Variants in PABPC4L observed in about 807,000 individuals in gnomAD.
The protein encoded by PABPC4L is polyadenylate-binding protein 4-like.
For missense variants in PABPC4L, 452 were observed against 451.4 expected (o/e 1.00, Z -0.01); for synonymous variants, 169 against 164.1 (o/e 1.03, Z -0.23).
chr4:134,045,120 A>G, the PABPC4L span, among the ~76,000 whole-genome samples: 1 of 152,198 alleles, frequency 6.6e-6, no homozygotes, highest in African/African-American at 2.4e-5. Flanking sequence ...TATAAAATTT[A>G]TACTTTACTA....
chr4:134,200,874 C>T lies in PABPC4L; in HGVS notation c.146G>A (p.Arg49His). 1.3e-6 allele frequency: 2 copies of T among 1,560,280 alleles called. No homozygotes were observed. The highest frequency in any genetic ancestry group is 1.7e-6 in the Non-Finnish European group (2 of 1,151,868). Residue 49 changes from arginine to histidine, a missense_variant, in exon 2 of 2, where the codon CGC becomes CAC. Arg to His is a conservative substitution (Grantham distance 29, BLOSUM62 0). Transcript: ENST00000421491. ...GTTCACGTAGGCATAGCCCAGAGAG[C>T]GGCGGGTGACCTGGTCCCTGCAAAT... The part of the protein sequence containing the change: ...IRICRDQVTR[R>H]SLGYAYVNFL...
chr4:134,142,775 C>T, the PABPC4L span, among the ~76,000 whole-genome samples: 2 of 151,458 alleles, frequency 1.3e-5, no homozygotes, highest in African/African-American at 2.4e-5. Context: ...CTTACTGAAT[C>T]AGTAAGAATT....
chr4:134,124,856 G>A, the PABPC4L span, among the ~76,000 whole-genome samples: 73 of 152,118 alleles, frequency 4.8e-4, 1 homozygote, highest in South Asian at 1.0e-3. Context: ...CATGCCTCAT[G>A]GGTAATAATG....
the PABPC4L span, among the ~76,000 whole-genome samples, chr4:134,107,143 T>C: frequency 7.3e-5 from 11 of 151,294 alleles, no homozygotes; most frequent in Admixed American, 6.6e-4. Flanking sequence ...CCTTTTTGTT[T>C]CACAGAGCTA....
chr4:134,037,957 G>A, the PABPC4L span, among the ~76,000 whole-genome samples: 1 of 152,028 alleles, frequency 6.6e-6, no homozygotes, highest in Non-Finnish European at 1.5e-5. Context: ...TTGGCTGTGG[G>A]TTTATCATAA....
chr4:134,175,002 C>A, the PABPC4L span, among the ~76,000 whole-genome samples: 9 of 151,944 alleles, frequency 5.9e-5, no homozygotes, highest in Non-Finnish European at 1.3e-4. Flanking sequence ...ATTTTATGGC[C>A]ATGTGTTTAA....
chr4:134,114,946 C>T, the PABPC4L span, among the ~76,000 whole-genome samples: 331 of 151,858 alleles, frequency 2.2e-3, 1 homozygote, highest in African/African-American at 7.4e-3. Flanking sequence ...AAGACAGTTG[C>T]CTTATACCAG....
the PABPC4L span, among the ~76,000 whole-genome samples, chr4:134,005,524 T>A: frequency 6.6e-6 from 1 of 151,798 alleles, no homozygotes; most frequent in Non-Finnish European, 1.5e-5. Context: ...ATAAGGTATA[T>A]TTTAGTAATC....
the PABPC4L span, among the ~76,000 whole-genome samples, chr4:134,063,262 C>T: frequency 6.6e-6 from 1 of 152,084 alleles, no homozygotes; most frequent in East Asian, 1.9e-4. Context: ...TTCTAATAGA[C>T]GTGTTGGTTT....
the PABPC4L span, among the ~76,000 whole-genome samples, chr4:134,000,705 C>G: frequency 3.3e-5 from 5 of 152,114 alleles, 1 homozygote; most frequent in Middle Eastern, 0.01. Context: ...AGCAGTCAAC[C>G]CATTGAGGAC....
the PABPC4L span, among the ~76,000 whole-genome samples, chr4:134,097,592 G>A: frequency 5.9e-5 from 9 of 151,984 alleles, no homozygotes; most frequent in Admixed American, 5.3e-4. Context: ...GCAAACACAT[G>A]CTCAGGATTG....
At chr4:134,084,656 A>G in the PABPC4L span, among the ~76,000 whole-genome samples, 1 of 152,182 alleles carries the variant, frequency 6.6e-6, no homozygotes, top group African/African-American at 2.4e-5. Flanking sequence ...TGCAAATGCA[A>G]TGGAATAAAA....
At chr4:134,127,383 C>A in the PABPC4L span, among the ~76,000 whole-genome samples, 7 of 152,116 alleles carry the variant, frequency 4.6e-5, no homozygotes, top group South Asian at 1.2e-3. Context: ...TCAATGAGGA[C>A]CCTCACAGAG....
chr4:134,034,760 C>T, the PABPC4L span, among the ~76,000 whole-genome samples: 2 of 151,894 alleles, frequency 1.3e-5, no homozygotes, highest in Admixed American at 1.3e-4. Flanking sequence ...ACAGGGGGAG[C>T]TTCTTATGAA....
chr4:134,005,698 C>A, the PABPC4L span, among the ~76,000 whole-genome samples: 1 of 151,618 alleles, frequency 6.6e-6, no homozygotes, highest in Non-Finnish European at 1.5e-5. Flanking sequence ...CTAAACAAAA[C>A]CCTCATGGAC....
the PABPC4L span, among the ~76,000 whole-genome samples, chr4:133,962,432 G>C: frequency 6.6e-6 from 1 of 152,048 alleles, no homozygotes; most frequent in African/African-American, 2.4e-5. Flanking sequence ...ATAGCATAAA[G>C]AAAAAACAAT....
the PABPC4L span, among the ~76,000 whole-genome samples, chr4:134,162,016 A>G: frequency 3.9e-5 from 6 of 152,108 alleles, no homozygotes; most frequent in South Asian, 6.2e-4. Context: ...TTAAGTTTTC[A>G]TCAGTTTAAA....
the PABPC4L span, among the ~76,000 whole-genome samples, chr4:134,175,050 C>G: frequency 6.6e-6 from 1 of 152,108 alleles, no homozygotes; most frequent in African/African-American, 2.4e-5. Flanking sequence ...ACTACCTATA[C>G]CTTCATTCAG....
the PABPC4L span, among the ~76,000 whole-genome samples, chr4:134,127,288 A>C: frequency 3.3e-5 from 5 of 152,090 alleles, no homozygotes; most frequent in African/African-American, 1.2e-4. Context: ...TATCTTCCCT[A>C]TACAACGGCA....
Sources: allele counts gnomAD v4.1 joint callset (sites outside exome capture counted in the v4.1 genomes callset), GRCh38; gene constraint gnomAD v4.1.1; transcripts MANE v1.5; gene names NCBI Gene and HGNC (gene_info 2026-07-23, HGNC 2026-07-21).